LRCH4: variants seen among roughly 807,000 people sequenced by gnomAD.
LRCH4 encodes the protein leucine rich repeats and calponin homology domain containing 4, also known as leucine-rich repeat and calponin homology domain-containing protein 4.
A neutral mutation model predicts 81.2 loss-of-function variants in LRCH4; 56 were observed. That is an observed-to-expected ratio of 0.69 (90% CI 0.56 to 0.86). The LOEUF is 0.86. LRCH4 is among the 40% of genes least tolerant of loss of function. The pLI, the probability that LRCH4 is intolerant of heterozygous loss-of-function variation, is 0.00. For missense variants in LRCH4, 895 were observed against 922.8 expected, an observed-to-expected ratio of 0.97 and a Z score of 0.39; for synonymous variants, 442 against 409.7, an observed-to-expected ratio of 1.08 and a Z score of -0.95.
chr7:100,578,253 G>A lies in LRCH4; in HGVS notation c.854C>T (p.Ala285Val), dbSNP rs765082338. 6.2e-7 allele frequency: 1 copy of A among 1,614,086 alleles called. No individual in the cohort carries two copies. Among genetic ancestry groups the A allele is most frequent in the East Asian group, 2.2e-5 (1 of 44,882 alleles). ...CCGATGTCCCGGAAATAGATCCTCTGCAGGGCTGGGGCCAGCCAGGCGGAT... is the reference window on the plus strand; with the variant it reads ...CCGATGTCCCGGAAATAGATCCTCTACAGGGCTGGGGCCAGCCAGGCGGAT... Reference protein sequence around the residue: ...SRPPSFSPCPAEDLFPGHRYD... With the variant: ...SRPPSFSPCPVEDLFPGHRYD... Residue 285 changes from alanine (A) to valine (V), a missense_variant, in exon 7 of 18, where the codon GCA becomes GTA. Coordinates refer to ENST00000310300, the MANE Select transcript of LRCH4 (RefSeq NM_002319.5). The surrounding 1 kb of genome is among the most constrained non-coding windows in gnomAD (Gnocchi z 5.7).
At position 100,574,325 on chromosome 7, in the gene LRCH4, TC is replaced by T; in HGVS notation, c.*781del. On this transcript the variant is annotated 3_prime_UTR_variant, in exon 18 of 18. Transcript: ENST00000310300. Reference sequence around the variant, plus strand: ...GCCCCTTCCCGGGGCCCCCTCCTCTTCCAGGATGTGGTGGGGCTGGCACAGT... The same window carrying T: ...GCCCCTTCCCGGGGCCCCCTCCTCTTCAGGATGTGGTGGGGCTGGCACAGT... 5.8e-6 allele frequency: 1 copy of T among 171,050 alleles called. No individual in the cohort carries two copies. The highest frequency in any genetic ancestry group is 1.3e-5 in the Non-Finnish European group (1 of 76,540). 10.6% of individuals were successfully genotyped at this position (171,050 alleles called of 1,614,324 possible).
rs1276523526 is a variant in LRCH4 at position 100,577,723 on chromosome 7, G to T, written c.1057C>A (p.Gln353Lys). The T allele has an allele frequency of 6.2e-7, 1 of 1,614,066 alleles. No individual in the cohort carries two copies. ...ACATGGCTGTCGATGAAGTCAATCTGCACAGGGTCTCCGTCCGCTGGGGAG... is the reference window on the plus strand; with the variant it reads ...ACATGGCTGTCGATGAAGTCAATCTTCACAGGGTCTCCGTCCGCTGGGGAG... ...EDGSADGDPV[Q>K]IDFIDSHVPG... Residue 353 changes from glutamine to lysine, a missense_variant, in exon 9 of 18, where the codon CAG becomes AAG. By Grantham distance (53) the Gln-to-Lys change is moderately conservative. Around this residue, in one of 3 missense-constraint regions of LRCH4, gnomAD observed 529 missense variants for 504.9 expected, o/e 1.05. Transcript: ENST00000310300. The surrounding 1 kb of genome is among the most constrained non-coding windows in gnomAD (Gnocchi z 6.7).
In LRCH4 at chr7:100,574,739, A is replaced by G. The variant is rs1801286376; in HGVS notation, c.*368T>C. 4.4e-6 allele frequency: 1 copy of G among 225,718 alleles called. No homozygotes were observed. Among genetic ancestry groups the G allele is most frequent in the Non-Finnish European group, 8.9e-6 (1 of 112,816 alleles). The allele number at this position is 225,718 out of a possible 1,614,324, so 14.0% of individuals were successfully genotyped here. ...CCTACAAATATAGATCCTCTCTACA[A>G]AATAGAGATAATTTAGCCCCCCCAT... is the stretch of plus-strand genomic sequence containing the variant. On this transcript the variant is annotated 3_prime_UTR_variant, in exon 18 of 18. Coordinates refer to ENST00000310300, the MANE Select transcript of LRCH4 (RefSeq NM_002319.5).
In LRCH4 at chr7:100,578,616, CCT is replaced by C. The variant is rs746290999; in HGVS notation, c.735+32_735+33del. The C allele has an allele frequency of 5.6e-6, 9 of 1,608,848 alleles. No individual in the cohort carries two copies. The African/African-American group carries it at 6.7e-5, about 12-fold the overall frequency. Reference sequence around the variant, plus strand: ...AACCCCACTCCTGCCTAGCCACACCCCTGTCCTCGTGGCCCCCCAGGCACCCG... The same window carrying C: ...AACCCCACTCCTGCCTAGCCACACCCGTCCTCGTGGCCCCCCAGGCACCCG... On this transcript the variant is annotated intron_variant, in intron 5 of 17. Coordinates refer to ENST00000310300, the MANE Select transcript of LRCH4 (RefSeq NM_002319.5). This position sits in a 1 kb window ranked among gnomAD's most constrained non-coding sequence, Gnocchi z 5.7.
intron 4 of LRCH4, chr7:100,581,573 G>T: frequency 1.8e-6 from 1 of 545,702 alleles, no homozygotes; most frequent in South Asian, 2.2e-5. Context: ...ACCACAAGGA[G>T]CCGGCAGTCT....
At position 100,582,204 on chromosome 7, in the gene LRCH4, G is replaced by A; in HGVS notation, c.366-37C>T. 2 of 1,613,448 alleles carry A rather than the reference G, an allele frequency of 1.2e-6. No individual in the cohort carries two copies. The highest frequency in any genetic ancestry group is 1.7e-6 in the Non-Finnish European group (2 of 1,179,904). ...AGAAAGGCAGCGGACTGGCTCCCCAGGCATGGCATCCCAGCACTGCCATCC... is the reference window on the plus strand; with the variant it reads ...AGAAAGGCAGCGGACTGGCTCCCCAAGCATGGCATCCCAGCACTGCCATCC... On this transcript the variant is annotated intron_variant, in intron 2 of 17. Coordinates refer to ENST00000310300, the MANE Select transcript of LRCH4 (RefSeq NM_002319.5). This position sits in a 1 kb window ranked among gnomAD's most constrained non-coding sequence, Gnocchi z 5.0.
In LRCH4 at chr7:100,578,166, C is replaced by T. The variant is rs1308669747; in HGVS notation, c.941G>A (p.Gly314Glu). ...TGGACAGGACGCCCTTACCTCATTT[C>T]CAGACCACCTCTTGCTGCCACTATC... The part of the protein sequence containing the change: ...SVDSGSKRWS[G>E]NESTDEFSEL... The change falls in exon 7 of 18, where the codon GGA becomes GAA. Residue 314 changes from glycine (G) to glutamate (E), a missense_variant. By Grantham distance (98) the Gly-to-Glu change is moderately conservative. Around this residue, in one of 3 missense-constraint regions of LRCH4, gnomAD observed 6 missense variants for 20.9 expected, o/e 0.29. Transcript: ENST00000310300. This position sits in a 1 kb window ranked among gnomAD's most constrained non-coding sequence, Gnocchi z 5.7. 6.2e-7 allele frequency: 1 copy of T among 1,614,154 alleles called. No individual in the cohort carries two copies. Among genetic ancestry groups the T allele is most frequent in the Admixed American group, 1.7e-5 (1 of 60,028 alleles).
chr7:100,574,628 G>GCACACACACACACACACACACACACA lies in LRCH4; in HGVS notation c.*478_*479insTGTGTGTGTGTGTGTGTGTGTGTGTG, dbSNP rs1348217748. 2.2e-5 allele frequency: 3 copies of GCACACACACACACACACACACACACA among 134,178 alleles called. No individual in the cohort carries two copies. The highest frequency in any genetic ancestry group is 9.2e-5 in the African/African-American group (3 of 32,572). The allele number at this position is 134,178 out of a possible 1,614,324, so 8.3% of individuals were successfully genotyped here. A position where few individuals can be genotyped will look rare whatever the true frequency, so the allele number is the denominator to read the frequency against. Reference sequence around the variant, plus strand: ...CAACACGCGGAGCAGACGCGCGCGCGCGCGCACACACACACACACAGGCAG... The same window carrying GCACACACACACACACACACACACACA: ...CAACACGCGGAGCAGACGCGCGCGCGCACACACACACACACACACACACACACGCGCACACACACACACACAGGCAG... On this transcript the variant is annotated 3_prime_UTR_variant, in exon 18 of 18. Coordinates refer to ENST00000310300, the MANE Select transcript of LRCH4 (RefSeq NM_002319.5).
At position 100,576,982 on chromosome 7, in the gene LRCH4, G is replaced by C; in HGVS notation, c.1388C>G (p.Ser463Cys). 1 of 1,605,688 alleles carries C rather than the reference G, an allele frequency of 6.2e-7. No homozygotes were observed. Among genetic ancestry groups the C allele is most frequent in the Non-Finnish European group, 8.5e-7 (1 of 1,173,922 alleles). ...CTGCCCCGCTGCAGCCCCTGCTTGGGAGGCACTGGACTTAGGCGAGCCGCT... is the reference window on the plus strand; with the variant it reads ...CTGCCCCGCTGCAGCCCCTGCTTGGCAGGCACTGGACTTAGGCGAGCCGCT... Reference protein sequence around the residue: ...MHNGSPKSSASQAGAAAGQGA... With the variant: ...MHNGSPKSSACQAGAAAGQGA... Residue 463 changes from serine to cysteine, a missense_variant, in exon 13 of 18, where the codon TCC becomes TGC. Physicochemically the swap from Ser to Cys is moderately radical, Grantham distance 112. Coordinates refer to ENST00000310300, the MANE Select transcript of LRCH4 (RefSeq NM_002319.5).
chr7:100,585,764 G>A (rs1801717802), intron 1 of LRCH4, 117 bp downstream of exon 1: 3 of 1,112,262 alleles, frequency 2.7e-6, no homozygotes, highest in Admixed American at 3.2e-5. Context: ...AATCAGGAGG[G>A]GCAGCAACCC....
chr7:100,576,110 C>G, intron 15 of LRCH4, 102 bp from the exon 16 acceptor site: 1 of 1,479,830 alleles, frequency 6.8e-7, no homozygotes, highest in South Asian at 1.2e-5. Flanking sequence ...TGTGCCTGTC[C>G]CTTCCTGTCC....
rs1801391637 is a variant in LRCH4, at chr7:100,577,194, G to T, written c.1296-40C>A. 2 of 1,612,548 alleles carry T rather than the reference G, an allele frequency of 1.2e-6. No individual in the cohort carries two copies. The highest frequency in any genetic ancestry group is 2.7e-5 in the African/African-American group (2 of 74,940). ...GGTGGGGTCAGCTAGCCCCAAGGCAGAACGGCTCAGCGGGGCTCGGTGGCC... is the reference window on the plus strand; with the variant it reads ...GGTGGGGTCAGCTAGCCCCAAGGCATAACGGCTCAGCGGGGCTCGGTGGCC... On this transcript the variant is annotated intron_variant, in intron 11 of 17. Transcript: ENST00000310300. The surrounding 1 kb of genome is among the most constrained non-coding windows in gnomAD (Gnocchi z 6.7).
At chr7:100,581,336 A>C (rs1488914470) in intron 4 of LRCH4, among the ~76,000 whole-genome samples, 1 of 152,252 alleles carries the variant, frequency 6.6e-6, no homozygotes, top group Non-Finnish European at 1.5e-5. Context: ...TCTCCTCTGA[A>C]GATTCCTGGC....
chr7:100,581,378 T>A (rs1801551553), intron 4 of LRCH4, among the ~76,000 whole-genome samples: 1 of 152,238 alleles, frequency 6.6e-6, no homozygotes, highest in African/African-American at 2.4e-5. Context: ...TACACTGTTA[T>A]GGACTGAAAT....
intron 4 of LRCH4, chr7:100,580,786 GAC>G (rs1014710234): frequency 1.4e-4 from 18 of 126,442 alleles, no homozygotes; most frequent in African/African-American, 3.5e-4. Flanking sequence ...CACACGAACA[GAC>G]ACAGACACAC....
Position 100,577,472 on chromosome 7 carries a change from G to A in LRCH4, c.1178+25C>T. On this transcript the variant is annotated intron_variant, in intron 10 of 17. Transcript: ENST00000310300. The surrounding 1 kb of genome is among the most constrained non-coding windows in gnomAD (Gnocchi z 6.7). ...TGGGGGGTGGGAGGATCGGGCAGTG[G>A]CGTCAGTTTGGGGGCTTGGGGTACC... The A allele has an allele frequency of 6.2e-7, 1 of 1,605,808 alleles. No individual in the cohort carries two copies. Among genetic ancestry groups the A allele is most frequent in the Non-Finnish European group, 8.5e-7 (1 of 1,179,910 alleles).
intron 14 of LRCH4, 82 bp downstream of exon 14, chr7:100,576,612 G>C: frequency 1.6e-6 from 2 of 1,245,684 alleles, no homozygotes; most frequent in Non-Finnish European, 2.3e-6. Flanking sequence ...AACAGACCCA[G>C]AGGGCTCCCA....
chr7:100,582,144 G>A lies in LRCH4; in HGVS notation c.389C>T (p.Pro130Leu). ...CAGGGGCAGCTGGCAGATGTAGGGT[G>A]GCAGCAGCGACAGCTGGTTTCGGCT... ...NLSRNQLSLL[P>L]PYICQLPLRV... The change falls in exon 3 of 18, where the codon CCA becomes CTA. Residue 130 changes from proline (P) to leucine (L), a missense_variant. By Grantham distance (98) the Pro-to-Leu change is moderately conservative. Around this residue, in one of 3 missense-constraint regions of LRCH4, gnomAD observed 360 missense variants for 397.0 expected, o/e 0.91. Coordinates refer to ENST00000310300, the MANE Select transcript of LRCH4 (RefSeq NM_002319.5). This position sits in a 1 kb window ranked among gnomAD's most constrained non-coding sequence, Gnocchi z 5.0. 1 of 1,613,300 alleles carries A rather than the reference G, an allele frequency of 6.2e-7. No homozygotes were observed. Among genetic ancestry groups the A allele is most frequent in the South Asian group, 1.1e-5 (1 of 91,034 alleles).
intron 1 of LRCH4, chr7:100,584,543 A>C (rs1801662010): frequency 5.3e-6 from 2 of 374,036 alleles, no homozygotes; most frequent in African/African-American, 4.3e-5. Context: ...GTCAAAAAAC[A>C]ACCAAGGGGG....
Sources: gnomAD v4.1 joint callset for allele counts (sites outside exome capture counted in the v4.1 genomes callset) on GRCh38, gnomAD v4.1.1 for gene constraint, gnomAD v4.1.1 regional missense constraint, Gnocchi (gnomAD v3.1) non-coding constraint, MANE v1.5 for transcripts, NCBI Gene and HGNC (gene_info 2026-07-23, HGNC 2026-07-21) for gene names.